Variants in RIMKLB observed in about 807,000 individuals in gnomAD.
The protein encoded by RIMKLB is ribosomal modification protein rimK like family member B.
A neutral mutation model predicts 32.0 loss-of-function variants in RIMKLB; 7 were observed. The ratio of observed to expected loss-of-function variants is 0.22; its 90% CI spans 0.12 to 0.41. The LOEUF is 0.41. Ranked by LOEUF, RIMKLB falls within the 10% of genes least tolerant of loss-of-function variation. The pLI is 1.00. For synonymous variants in RIMKLB, 172 were observed against 185.1 expected (o/e 0.93, Z 0.57); for missense variants, 289 against 498.7 (o/e 0.58, Z 4.00).
chr12:8,696,975 CCTT>C (rs1294338179), upstream of RIMKLB, among the ~76,000 whole-genome samples: 2 of 151,756 alleles, frequency 1.3e-5, no homozygotes, highest in Non-Finnish European at 2.9e-5. Flanking sequence ...TTTTTTTTCT[CCTT>C]AAGAAAATGT....
intron 5 of RIMKLB, among the ~76,000 whole-genome samples, chr12:8,759,389 C>T (rs142138930): frequency 4.6e-5 from 7 of 152,158 alleles, no homozygotes; most frequent in Middle Eastern, 3.4e-3. Context: ...AGCAAGACTC[C>T]GTCTCTAAAT....
intron 2 of RIMKLB, among the ~76,000 whole-genome samples, chr12:8,734,415 G>A (rs898178704): frequency 1.6e-4 from 25 of 152,166 alleles, no homozygotes; most frequent in African/African-American, 5.6e-4. Context: ...ACCTATTGAC[G>A]CTTAGAAAGT....
intron 7 of RIMKLB, among the ~76,000 whole-genome samples, chr12:8,782,550 G>A (rs1013075374): frequency 2.0e-4 from 30 of 152,060 alleles, no homozygotes; most frequent in African/African-American, 7.0e-4. Flanking sequence ...TTGAACTTGC[G>A]ACTGTTCACT....
intron 2 of RIMKLB, among the ~76,000 whole-genome samples, chr12:8,719,438 G>A (rs750411079): frequency 2.6e-5 from 4 of 152,044 alleles, no homozygotes; most frequent in African/African-American, 4.8e-5. Context: ...GTGCGATCTC[G>A]GCTCACTGCA....
upstream of RIMKLB, among the ~76,000 whole-genome samples, chr12:8,696,408 T>G (rs1013061722): frequency 1.3e-5 from 2 of 152,236 alleles, no homozygotes; most frequent in Non-Finnish European, 2.9e-5. Context: ...TTCCTCTAAA[T>G]TTTGTAAACC....
At chr12:8,752,974 G>A (rs1948740758) in intron 4 of RIMKLB, among the ~76,000 whole-genome samples, 1 of 152,284 alleles carries the variant, frequency 6.6e-6, no homozygotes, top group African/African-American at 2.4e-5. Flanking sequence ...TCGAACTCCT[G>A]ACTTCTGGTG....
intron 1 of RIMKLB, among the ~76,000 whole-genome samples, chr12:8,706,300 T>C (rs1363810450): frequency 2.6e-5 from 4 of 151,836 alleles, no homozygotes. Flanking sequence ...CCACCATGCC[T>C]AGCTAATTTT....
chr12:8,733,172 T>C (rs926684267), intron 2 of RIMKLB, among the ~76,000 whole-genome samples: 1 of 152,280 alleles, frequency 6.6e-6, no homozygotes, highest in South Asian at 2.1e-4. Context: ...GGATAGAGGC[T>C]AAGGATGCTG....
chr12:8,718,655 A>G (rs7311907), intron 2 of RIMKLB, among the ~76,000 whole-genome samples: 1 of 125,150 alleles, frequency 8.0e-6, no homozygotes, highest in African/African-American at 3.2e-5. Context: ...CTCTCTCTCT[A>G]TATATATATA....
the RIMKLB span, among the ~76,000 whole-genome samples, chr12:8,669,509 T>C: frequency 6.6e-6 from 1 of 152,284 alleles, no homozygotes; most frequent in Admixed American, 6.5e-5. Flanking sequence ...ATATTAAATA[T>C]TAATGTAAAT....
At chr12:8,757,470 C>CAAAAAAAAAAAAAAAAAAAA (rs55670138) in intron 5 of RIMKLB, among the ~76,000 whole-genome samples, 46 of 71,392 alleles carry the variant, frequency 6.4e-4, no homozygotes, top group African/African-American at 2.2e-3. Context: ...GACCCTGTCT[C>CAAAAAAAAAAAAAAAAAAAA]AAAAAAAAAA....
intron 5 of RIMKLB, among the ~76,000 whole-genome samples, chr12:8,768,230 C>T (rs142124291): frequency 7.9e-5 from 12 of 152,268 alleles, no homozygotes; most frequent in South Asian, 2.1e-4. Flanking sequence ...GCCTTTAGCC[C>T]GATCAGGAGC....
At chr12:8,742,028 G>T (rs1332171126) in intron 2 of RIMKLB, among the ~76,000 whole-genome samples, 2 of 150,734 alleles carry the variant, frequency 1.3e-5, no homozygotes, top group African/African-American at 5.0e-5. Flanking sequence ...AGCTTCCCAA[G>T]TAGCTGGGAT....
chr12:8,772,848 A>G (rs1481138345), intron 5 of RIMKLB, among the ~76,000 whole-genome samples: 2 of 152,196 alleles, frequency 1.3e-5, no homozygotes, highest in Non-Finnish European at 1.5e-5. Flanking sequence ...CCAGCCAGCT[A>G]CCTTATAACC....
intron 5 of RIMKLB, among the ~76,000 whole-genome samples, chr12:8,767,648 C>T (rs377116553): frequency 2.7e-4 from 41 of 152,258 alleles, no homozygotes; most frequent in African/African-American, 8.9e-4. Flanking sequence ...TGATCTCAAC[C>T]GGCTAACACC....
rs189846641 is a variant in RIMKLB at position 8,748,571 on chromosome 12, T to C, written c.176-1291T>C. ...GTGTGTGTGTGTGCATATATATATA[T>C]ACACAAAATTTATATTCATACACAA... On this transcript the variant is annotated intron_variant, in intron 2 of 5. Coordinates refer to ENST00000535829, the MANE Select transcript of RIMKLB (RefSeq NM_001297776.2). Among the ~76,000 whole-genome samples the C allele has an allele frequency of 7.3e-3, 1,085 of 149,002 alleles. 12 individuals are homozygous for C. Among genetic ancestry groups the C allele is most frequent in the Middle Eastern group, 0.014 (4 of 282 alleles).
chr12:8,741,873 T>C (rs972745696), intron 2 of RIMKLB, among the ~76,000 whole-genome samples: 4 of 151,860 alleles, frequency 2.6e-5, no homozygotes, highest in Admixed American at 2.0e-4. Flanking sequence ...CAAACCTGCA[T>C]GTGTACCCCC....
At chr12:8,744,940 C>T (rs1947936170) in intron 2 of RIMKLB, among the ~76,000 whole-genome samples, 1 of 151,908 alleles carries the variant, frequency 6.6e-6, no homozygotes, top group Non-Finnish European at 1.5e-5. Flanking sequence ...TGGTTTGCTG[C>T]ACCCATCAAC....
At chr12:8,781,801 AATG>A (rs1483274221), downstream of RIMKLB, among the ~76,000 whole-genome samples, 2 of 151,934 alleles carry the variant, frequency 1.3e-5, no homozygotes, top group Non-Finnish European at 2.9e-5. Context: ...ATAGAAATTA[AATG>A]ATACTTTGAA....
Sources: gnomAD v4.1 joint callset for allele counts (sites outside exome capture counted in the v4.1 genomes callset) on GRCh38, gnomAD v4.1.1 for gene constraint, MANE v1.5 for transcripts, NCBI Gene and HGNC (gene_info 2026-07-23, HGNC 2026-07-21) for gene names.